The following ABR variants were observed in gnomAD, a reference collection of about 807,000 sequenced individuals.
ABR encodes active breakpoint cluster region-related protein.
In ABR, 35 loss-of-function variants were observed where a neutral mutation model predicts 107.2. The observed-to-expected ratio is 0.33, with a 90% CI of 0.25 to 0.43. The LOEUF is 0.43. ABR is among the 20% of genes least tolerant of loss of function. The probability of loss-of-function intolerance (pLI) is 1.00; values close to 1 mark genes in which losing one functional copy is unlikely to be tolerated. For synonymous variants in ABR, 498 were observed against 462.0 expected, an observed-to-expected ratio of 1.08 and a Z score of -1.00; for missense variants, 815 against 1,115.2, an observed-to-expected ratio of 0.73 and a Z score of 3.83.
At position 1,084,734 on chromosome 17, in the gene ABR, C is replaced by A. The variant is rs1319819877; in HGVS notation, c.532-1107G>T. Among the ~76,000 whole-genome samples the A allele has an allele frequency of 6.6e-6, 1 of 152,310 alleles. No homozygotes were observed. ...AAGCCATCACGAGATATTTTATACT[C>A]ATCAGAAGGGTCAAAATTTAAAAGT... On this transcript the variant is annotated intron_variant, in intron 4 of 22. Transcript: ENST00000302538. This position sits in a 1 kb window ranked among gnomAD's most constrained non-coding sequence, Gnocchi z 4.2.
intron 4 of ABR, among the ~76,000 whole-genome samples, chr17:1,089,946 G>GT (rs2036908620): frequency 1.3e-5 from 2 of 152,208 alleles, no homozygotes. Context: ...GGCGACAGGA[G>GT]TGAGACTCCG....
At chr17:1,166,183 C>A (rs1417888190) in intron 1 of ABR, among the ~76,000 whole-genome samples, 2 of 152,092 alleles carry the variant, frequency 1.3e-5, no homozygotes, top group Non-Finnish European at 2.9e-5. Context: ...GGTAGGAACA[C>A]CACACGTTCA....
At chr17:1,109,946 C>G (rs1240672256) in intron 2 of ABR, among the ~76,000 whole-genome samples, 1 of 115,168 alleles carries the variant, frequency 8.7e-6, no homozygotes, top group Non-Finnish European at 1.8e-5. Flanking sequence ...CACTCACAGA[C>G]CAGCCCCCCT....
intron 1 of ABR, among the ~76,000 whole-genome samples, chr17:1,152,237 C>G (rs1296355946): frequency 6.6e-6 from 1 of 150,424 alleles, no homozygotes; most frequent in Non-Finnish European, 1.5e-5. Flanking sequence ...GAGCCGAGAT[C>G]GCGCCACTGC....
chr17:1,091,193 C>T (rs1028985370), intron 4 of ABR, among the ~76,000 whole-genome samples: 1 of 152,188 alleles, frequency 6.6e-6, no homozygotes, highest in African/African-American at 2.4e-5. Context: ...ATGCCCCTAA[C>T]CCGGCATGTG....
intron 2 of ABR, among the ~76,000 whole-genome samples, chr17:1,107,270 G>T (rs1336975677): frequency 1.3e-5 from 2 of 152,338 alleles, no homozygotes; most frequent in African/African-American, 4.8e-5. Context: ...TACACAGCAG[G>T]ACACCTCTGA....
upstream of ABR, chr17:1,184,849 T>A (rs1417502557): frequency 6.6e-6 from 1 of 152,118 alleles, no homozygotes; most frequent in African/African-American, 2.4e-5. Context: ...TTCTTAAGTG[T>A]CAGGCACTGC....
intron 1 of ABR, among the ~76,000 whole-genome samples, chr17:1,144,780 G>T (rs761427416): frequency 3.2e-4 from 49 of 152,102 alleles, no homozygotes; most frequent in Non-Finnish European, 4.3e-4. Context: ...TGTAATCCCA[G>T]CACTTTGGGA....
chr17:1,041,068 C>T (rs1177698528), intron 16 of ABR, among the ~76,000 whole-genome samples: 1 of 152,100 alleles, frequency 6.6e-6, no homozygotes, highest in Admixed American at 6.5e-5. Flanking sequence ...TACAGGAGCG[C>T]ACCATCACGC....
chr17:1,156,623 GC>G (rs2041054718), intron 1 of ABR, among the ~76,000 whole-genome samples: 1 of 152,158 alleles, frequency 6.6e-6, no homozygotes, highest in South Asian at 2.1e-4. Flanking sequence ...GGCGGAGGTT[GC>G]AGTGAGTGGA....
intron 4 of ABR, among the ~76,000 whole-genome samples, chr17:1,087,805 C>T (rs1382239732): frequency 6.6e-6 from 1 of 152,170 alleles, no homozygotes; most frequent in Non-Finnish European, 1.5e-5. Context: ...CTCCCAGGAG[C>T]CAGGGGCAGG....
At chr17:1,023,125 C>A (rs1321317183) in intron 16 of ABR, among the ~76,000 whole-genome samples, 3 of 151,028 alleles carry the variant, frequency 2.0e-5, no homozygotes, top group Non-Finnish European at 2.9e-5. Flanking sequence ...CACTACAGCG[C>A]CTCTGCCGGC....
chr17:1,184,156 CAAA>C (rs979740958), upstream of ABR, among the ~76,000 whole-genome samples: 1 of 125,424 alleles, frequency 8.0e-6, no homozygotes. Flanking sequence ...GACTCCCTCT[CAAA>C]AAAAAAAAAG....
At chr17:1,228,080 T>C (rs1013283694) in intron 1 of ABR, 1 of 152,166 alleles carries the variant, frequency 6.6e-6, no homozygotes, top group Non-Finnish European at 1.5e-5. Context: ...TTTCCTCTTT[T>C]ATCCAGTGAA....
At chr17:1,124,029 T>C (rs888532047) in intron 2 of ABR, among the ~76,000 whole-genome samples, 3 of 151,936 alleles carry the variant, frequency 2.0e-5, no homozygotes, top group African/African-American at 7.2e-5. Flanking sequence ...GCCGCTAAAC[T>C]CGGCCTCGGC....
intron 16 of ABR, among the ~76,000 whole-genome samples, chr17:1,015,648 G>A (rs2071092222): frequency 6.6e-6 from 1 of 151,894 alleles, no homozygotes; most frequent in African/African-American, 2.4e-5. Flanking sequence ...AGTAGAGATG[G>A]GGTTTCTCCA....
intron 2 of ABR, chr17:1,109,158 G>C (rs894276783): frequency 7.2e-7 from 1 of 1,381,502 alleles, no homozygotes; most frequent in Non-Finnish European, 9.7e-7. Flanking sequence ...GGCGGGAGGG[G>C]GGGCAGGTCT....
Position 1,012,628 on chromosome 17 carries a change from C to T in ABR, c.1961+60G>A, listed in dbSNP as rs1176913016. ...CACCGGCGGGGAGGGCTGGGGGGCC[C>T]GGGCTGGGGGGGACCCGGGGCACCG... On this transcript the variant is annotated intron_variant, in intron 18 of 22. Transcript: ENST00000302538. The T allele has an allele frequency of 2.5e-5, 33 of 1,309,846 alleles. No homozygotes were observed. In the East Asian group the frequency reaches 3.9e-4, roughly 16 times the overall value. 81.1% of individuals were successfully genotyped at this position (1,309,846 alleles called of 1,614,324 possible).
Position 1,109,184 on chromosome 17 carries a change from G to A in ABR, c.247-8449C>T, listed in dbSNP as rs2038488416. 2 of 1,331,744 alleles carry A rather than the reference G, an allele frequency of 1.5e-6. 1 individual carries two copies. The highest frequency in any genetic ancestry group is 3.2e-5 in the South Asian group (2 of 62,774). The allele number at this position is 1,331,744 out of a possible 1,614,324, so 82.5% of individuals were successfully genotyped here. A position where few individuals can be genotyped will look rare whatever the true frequency, so the allele number is the denominator to read the frequency against. On this transcript the variant is annotated intron_variant, in intron 2 of 22. Transcript: ENST00000302538. ...GGGCAGGTCTACACCCGCGCGCCCG[G>A]CCTGGGGCTCCCGACCCGGGACTGC...
Sources: gnomAD v4.1 joint callset for allele counts (sites outside exome capture counted in the v4.1 genomes callset) on GRCh38, gnomAD v4.1.1 for gene constraint, Gnocchi (gnomAD v3.1) non-coding constraint, MANE v1.5 for transcripts, NCBI Gene and HGNC (gene_info 2026-07-23, HGNC 2026-07-21) for gene names.